The following KANK2 variants were observed in gnomAD, a reference collection of about 807,000 sequenced individuals.
KANK2 encodes KN motif and ankyrin repeat domain-containing protein 2.
In KANK2, 41 loss-of-function variants were observed where a neutral mutation model predicts 74.6. The observed-to-expected ratio is 0.55, with a 90% confidence interval of 0.43 to 0.71. The LOEUF is 0.71. Ranked by LOEUF, KANK2 falls within the 30% of genes least tolerant of loss-of-function variation. The pLI is 0.00. For missense variants in KANK2, 1,148 were observed against 1,196.4 expected, an observed-to-expected ratio of 0.96 and a Z score of 0.60; for synonymous variants, 537 against 519.0, an observed-to-expected ratio of 1.03 and a Z score of -0.47.
chr19:11,194,758 T>G (rs1225653317), intron 2 of KANK2, 168 bp from the exon 3 acceptor site: 23 of 297,406 alleles, frequency 7.7e-5, no homozygotes, highest in South Asian at 3.9e-4. Flanking sequence ...CCCGACCCCC[T>G]CCCCCCCGCA....
intron 6 of KANK2, among the ~76,000 whole-genome samples, chr19:11,177,553 T>C (rs1255172850): frequency 2.6e-5 from 4 of 152,116 alleles, no homozygotes; most frequent in Admixed American, 1.3e-4. Flanking sequence ...AGTTTCACCA[T>C]GTTGGCCAGG....
At chr19:11,184,845 CTT>C (rs2147528596) in intron 4 of KANK2, among the ~76,000 whole-genome samples, 1 of 147,042 alleles carries the variant, frequency 6.8e-6, no homozygotes, top group South Asian at 2.1e-4. Flanking sequence ...AAGTCTCGCT[CTT>C]GTTGCCCAGG....
chr19:11,172,649 A>G (rs1381124002), intron 10 of KANK2, among the ~76,000 whole-genome samples: 1 of 152,092 alleles, frequency 6.6e-6, no homozygotes, highest in Non-Finnish European at 1.5e-5. Context: ...TGCTCCCTAA[A>G]ATGCTTATGG....
Position 11,194,469 on chromosome 19 carries a change from C to T in KANK2, c.37+6G>A, listed in dbSNP as rs2078958638. On this transcript the variant is annotated splice_donor_region_variant and intron_variant, in intron 3 of 12. Transcript: ENST00000586659. ...GGGCAGGGCCCTCTTCCCTGAGTCC[C>T]CTGACCTGGGAAGGGAGCAGGCACG... 1.9e-6 allele frequency: 3 copies of T among 1,610,842 alleles called. No individual in the cohort carries two copies. The highest frequency in any genetic ancestry group is 1.3e-5 in the African/African-American group (1 of 74,852).
Position 11,176,793 on chromosome 19 carries a change from G to A in KANK2, c.1545C>T (p.Ser515=), listed in dbSNP as rs1300095166. The A allele has an allele frequency of 1.3e-6, 2 of 1,547,662 alleles. No homozygotes were observed. The highest frequency in any genetic ancestry group is 1.7e-6 in the Non-Finnish European group (2 of 1,144,464). The change falls in exon 7 of 13, where the codon TCC becomes TCT. Residue 515 remains serine, a synonymous_variant. Transcript: ENST00000586659. ...NGGYESSSED[S]STAENISDND... ...TGTCTGAGATGTTCTCTGCTGTGCT[G>A]GAGTCCTCGGATGACGACTCATACC...
intron 1 of KANK2, chr19:11,196,097 C>G (rs9676623): frequency 4.1e-5 from 6 of 147,216 alleles, no homozygotes; most frequent in Non-Finnish European, 5.8e-5. Context: ...TTGCTCTTGT[C>G]GCCCAGGCTG....
intron 4 of KANK2, among the ~76,000 whole-genome samples, chr19:11,182,840 CAAAAAAAAA>C (rs36229477): frequency 1.6e-5 from 1 of 62,970 alleles, no homozygotes; most frequent in Admixed American, 2.0e-4. Context: ...CAGACTGCCT[CAAAAAAAAA>C]AAAAAAAAAA....
intron 4 of KANK2, among the ~76,000 whole-genome samples, chr19:11,191,545 A>T (rs2078846476): frequency 6.6e-6 from 1 of 152,178 alleles, no homozygotes; most frequent in African/African-American, 2.4e-5. Flanking sequence ...GCAGACAGGG[A>T]CACCGTGATT....
chr19:11,170,533 G>T lies in KANK2; in HGVS notation c.2212-285C>A. The T allele has an allele frequency of 2.0e-6, 1 of 509,792 alleles. No homozygotes were observed. Among genetic ancestry groups the T allele is most frequent in the Non-Finnish European group, 3.5e-6 (1 of 281,956 alleles). 31.6% of individuals were successfully genotyped at this position (509,792 alleles called of 1,614,324 possible). A position where few individuals can be genotyped will look rare whatever the true frequency, so the allele number is the denominator to read the frequency against. The stretch of plus-strand genomic sequence containing the variant: ...TGAAGAGAACGTTCTGGAACTAGAC[G>T]GAGGTGTTGGTTGCACAACAGGGTG... On this transcript the variant is annotated intron_variant, in intron 10 of 12. Coordinates refer to ENST00000586659, the MANE Select transcript of KANK2 (RefSeq NM_001136191.3). The surrounding 1 kb of genome is among the most constrained non-coding windows in gnomAD (Gnocchi z 5.2).
rs547237908 is a variant in KANK2, at chr19:11,193,089, G to A, written c.991C>T (p.Arg331Trp). The change falls in exon 4 of 13, where the codon CGG (arginine) becomes TGG (tryptophan). Residue 331 changes from arginine (R) to tryptophan (W), a missense_variant. Transcript: ENST00000586659. The surrounding 1 kb of genome is among the most constrained non-coding windows in gnomAD (Gnocchi z 9.6). Reference protein sequence around the residue: ...PDSPVRVDTVRVVEGPREVEV... With the variant: ...PDSPVRVDTVWVVEGPREVEV... The stretch of plus-strand genomic sequence containing the variant: ...ACCTCCCGTGGCCCTTCTACCACCC[G>A]GACTGTATCCACGCGGACCGGGCTG... The A allele has an allele frequency of 1.1e-5, 18 of 1,609,208 alleles. No homozygotes were observed. The highest frequency in any genetic ancestry group is 1.7e-4 in the Middle Eastern group (1 of 6,034).
chr19:11,182,570 G>T lies in KANK2; in HGVS notation c.1250-3850C>A, dbSNP rs565193560. Among the ~76,000 whole-genome samples, 5 of 147,654 alleles carry T rather than the reference G, an allele frequency of 3.4e-5. No homozygotes were observed. In the Admixed American group the frequency reaches 3.5e-4, roughly 10 times the overall value. Reference sequence around the variant, plus strand: ...ACAAAACAAAACAAAAAAGCCAGGCGCGGTGGCTCACGATTGTAACCCCAG... The same window carrying T: ...ACAAAACAAAACAAAAAAGCCAGGCTCGGTGGCTCACGATTGTAACCCCAG... On this transcript the variant is annotated intron_variant, in intron 4 of 12. Transcript: ENST00000586659.
In KANK2 at chr19:11,166,525, T is replaced by C. The variant is rs199813944; in HGVS notation, c.*33A>G. Reference sequence around the variant, plus strand: ...GAGACGGGGACAAGGGACGGTTTGCTCCCGGTCTGGCTGGTCCCCGCCTCC... The same window carrying C: ...GAGACGGGGACAAGGGACGGTTTGCCCCCGGTCTGGCTGGTCCCCGCCTCC... On this transcript the variant is annotated 3_prime_UTR_variant, in exon 13 of 13. Transcript: ENST00000586659. 2.7e-4 allele frequency: 437 copies of C among 1,604,270 alleles called. No homozygotes were observed. The highest frequency in any genetic ancestry group is 3.6e-4 in the Non-Finnish European group (417 of 1,171,250).
chr19:11,192,891 T>G lies in KANK2; in HGVS notation c.1189A>C (p.Ser397Arg), dbSNP rs946310693. ...ATCTTCTTCACCATATGGACGTTGCTGGTAGCTGCAGCGGGCACTGGGCAC... is the reference window on the plus strand; with the variant it reads ...ATCTTCTTCACCATATGGACGTTGCGGGTAGCTGCAGCGGGCACTGGGCAC... ...TMCPVPAAATSNVHMVKKISI... is the reference protein window; with the variant it reads ...TMCPVPAAATRNVHMVKKISI... Residue 397 changes from serine (S) to arginine (R), a missense_variant, in exon 4 of 13, where the codon AGC (serine) becomes CGC (arginine). Transcript: ENST00000586659. 1 of 1,613,802 alleles carries G rather than the reference T, an allele frequency of 6.2e-7. No individual in the cohort carries two copies. The highest frequency in any genetic ancestry group is 8.5e-7 in the Non-Finnish European group (1 of 1,179,860).
At position 11,178,467 on chromosome 19, in the gene KANK2, A is replaced by T. The variant is rs1361102434; in HGVS notation, c.1418-20T>A. The T allele has an allele frequency of 6.2e-7, 1 of 1,600,080 alleles. No individual in the cohort carries two copies. Among genetic ancestry groups the T allele is most frequent in the Non-Finnish European group, 8.5e-7 (1 of 1,174,996 alleles). On this transcript the variant is annotated intron_variant, in intron 5 of 12. Coordinates refer to ENST00000586659, the MANE Select transcript of KANK2 (RefSeq NM_001136191.3). ...GCCCGCCTGGAGGGGAGGACAGCGG[A>T]GGTGCTGTGAGAGTCCTTCAGGGCC...
intron 10 of KANK2, among the ~76,000 whole-genome samples, chr19:11,172,164 G>A (rs1020700229): frequency 2.7e-5 from 4 of 149,878 alleles, no homozygotes; most frequent in Non-Finnish European, 5.9e-5. Context: ...TTTAGTAAAG[G>A]CAGGGTTTCA....
chr19:11,178,785 G>A (rs1486082733), intron 4 of KANK2, 65 bp from the exon 5 acceptor site: 4 of 1,422,100 alleles, frequency 2.8e-6, no homozygotes, highest in Non-Finnish European at 3.7e-6. Context: ...AGCCCTGCGG[G>A]TCATACACCC....
rs117057052 is a variant in KANK2, at chr19:11,166,602, T to C, written c.2512A>G (p.Met838Val). 4,047 of 1,614,094 alleles carry C rather than the reference T, an allele frequency of 2.5e-3. 5 individuals are homozygous for C. The highest frequency in any genetic ancestry group is 3.1e-3 in the Non-Finnish European group (3,666 of 1,179,954). The change falls in exon 13 of 13, where the codon ATG (methionine) becomes GTG (valine). Residue 838 changes from methionine (M) to valine (V), a missense_variant. Transcript: ENST00000586659. ...RMNIKCSFAP[M>V]SDDESPTSSS... is the part of the protein sequence containing the mutation. Reference sequence around the variant, plus strand: ...GATGTAGGGCTCTCGTCATCTGACATTGGGGCAAACTGAAACAGAGAAGCA... The same window carrying C: ...GATGTAGGGCTCTCGTCATCTGACACTGGGGCAAACTGAAACAGAGAAGCA...
At chr19:11,188,750 G>A (rs35545871) in intron 4 of KANK2, among the ~76,000 whole-genome samples, 9,894 of 151,828 alleles carry the variant, frequency 0.065, 376 homozygotes, top group Admixed American at 0.09. Context: ...TTGGGAGGCC[G>A]AGGCGGGCAG....
chr19:11,177,279 G>A (rs980681022), intron 6 of KANK2, among the ~76,000 whole-genome samples: 2 of 151,830 alleles, frequency 1.3e-5, no homozygotes, highest in African/African-American at 4.8e-5. Flanking sequence ...GTAGAGTCGG[G>A]GTTTCGCCAT....
Sources: allele counts gnomAD v4.1 joint callset (sites outside exome capture counted in the v4.1 genomes callset), GRCh38; gene constraint gnomAD v4.1.1; non-coding constraint Gnocchi (gnomAD v3.1); transcripts MANE v1.5; gene names NCBI Gene and HGNC (gene_info 2026-07-23, HGNC 2026-07-21).